The following CACNA2D2 variants were observed in gnomAD, a reference collection of about 807,000 sequenced individuals.
CACNA2D2 encodes the protein calcium voltage-gated channel auxiliary subunit alpha2delta 2, also known as voltage-dependent calcium channel subunit alpha-2/delta-2.
In CACNA2D2, 48 loss-of-function variants were observed where a neutral mutation model predicts 166.4. The ratio of observed to expected loss-of-function variants is 0.29; its 90% CI spans 0.23 to 0.37. The LOEUF (loss-of-function observed/expected upper bound fraction) is 0.37, where lower values mean the gene tolerates loss of function less well. CACNA2D2 is among the 10% of genes least tolerant of loss of function. The probability of loss-of-function intolerance (pLI) is 1.00; values close to 1 mark genes in which losing one functional copy is unlikely to be tolerated. For missense variants in CACNA2D2, 1,122 were observed against 1,433.0 expected, an observed-to-expected ratio of 0.78 and a Z score of 3.50; for synonymous variants, 561 against 573.7, an observed-to-expected ratio of 0.98 and a Z score of 0.32.
chr3:50,454,064 AAAT>A (rs1709232596), intron 2 of CACNA2D2, among the ~76,000 whole-genome samples: 1 of 152,200 alleles, frequency 6.6e-6, no homozygotes, highest in Non-Finnish European at 1.5e-5. Flanking sequence ...CATCAAGGGC[AAAT>A]AATAGCTTTT....
Position 50,379,338 on chromosome 3 carries a change from G to C in CACNA2D2, c.1152+94C>G. 1 of 1,511,704 alleles carries C rather than the reference G, an allele frequency of 6.6e-7. No individual in the cohort carries two copies. Among genetic ancestry groups the C allele is most frequent in the Non-Finnish European group, 9.1e-7 (1 of 1,102,132 alleles). 93.6% of individuals were successfully genotyped at this position (1,511,704 alleles called of 1,614,324 possible). On this transcript the variant is annotated intron_variant, in intron 11 of 37. Coordinates refer to ENST00000424201, the MANE Select transcript of CACNA2D2 (RefSeq NM_006030.4). This position sits in a 1 kb window ranked among gnomAD's most constrained non-coding sequence, Gnocchi z 6.5. ...GCTATCTGTCCAAGCTGCCTGTTTG[G>C]TGCTAACGAGGCCATCCGTCTTGAT...
intron 2 of CACNA2D2, among the ~76,000 whole-genome samples, chr3:50,448,771 G>A (rs1341072241): frequency 1.3e-5 from 2 of 151,982 alleles, no homozygotes; most frequent in South Asian, 4.1e-4. Context: ...CATTTCAGAG[G>A]GACTAGAGCC....
At chr3:50,397,780 A>G (rs1706232544) in intron 3 of CACNA2D2, among the ~76,000 whole-genome samples, 1 of 151,676 alleles carries the variant, frequency 6.6e-6, no homozygotes, top group Non-Finnish European at 1.5e-5. Context: ...AGACTGTGTT[A>G]CCTCCCCTGG....
At chr3:50,501,532 G>A (rs538258741) in intron 1 of CACNA2D2, among the ~76,000 whole-genome samples, 202 of 152,320 alleles carry the variant, frequency 1.3e-3, no homozygotes, top group African/African-American at 4.6e-3. Context: ...GGGACAGAGG[G>A]ATAGGTGCCT....
chr3:50,462,617 GGGGTGCAAAGC>G (rs1251903371), intron 2 of CACNA2D2, among the ~76,000 whole-genome samples: 1 of 151,852 alleles, frequency 6.6e-6, no homozygotes, highest in Admixed American at 6.6e-5. Context: ...GGCTGGGGGA[GGGGTGCAAAGC>G]CCTCCTCTCC....
chr3:50,417,906 T>TA (rs1344620446), intron 3 of CACNA2D2, among the ~76,000 whole-genome samples: 6 of 152,098 alleles, frequency 3.9e-5, no homozygotes, highest in Non-Finnish European at 8.8e-5. Context: ...ACTTAGTGTG[T>TA]ACGTGGGGAA....
intron 4 of CACNA2D2, among the ~76,000 whole-genome samples, chr3:50,389,980 A>G (rs1287599389): frequency 3.0e-5 from 4 of 133,970 alleles, no homozygotes; most frequent in East Asian, 4.8e-4. Context: ...TGTGGTGTGG[A>G]GCTGGGGGTG....
chr3:50,402,491 A>G (rs540669002), intron 3 of CACNA2D2, among the ~76,000 whole-genome samples: 64 of 152,324 alleles, frequency 4.2e-4, no homozygotes, highest in Non-Finnish European at 2.6e-4. Flanking sequence ...AGATGCCCCA[A>G]TGAGAAATAA....
chr3:50,443,707 C>T (rs540562018), intron 2 of CACNA2D2, among the ~76,000 whole-genome samples: 5 of 152,356 alleles, frequency 3.3e-5, no homozygotes, highest in South Asian at 2.1e-4. Flanking sequence ...AGAGTTGGGC[C>T]GCTGCCTTGC....
Position 50,379,485 on chromosome 3 carries a change from C to T in CACNA2D2, c.1099G>A (p.Gly367Ser). Reference protein sequence around the residue: ...KEAVQGMVAKGTTGYKAGFEY... With the variant: ...KEAVQGMVAKSTTGYKAGFEY... Reference sequence around the variant, plus strand: ...AAGCCGGCCTTGTAGCCTGTGGTGCCCTTGGCCACCATGCCCTGCACAGCT... The same window carrying T: ...AAGCCGGCCTTGTAGCCTGTGGTGCTCTTGGCCACCATGCCCTGCACAGCT... Residue 367 changes from glycine (G) to serine (S), a missense_variant, in exon 11 of 38, where the codon GGC becomes AGC. This residue lies in a region of CACNA2D2 where 840 missense variants were observed against 1,166.8 expected (regional missense o/e 0.72). Coordinates refer to ENST00000424201, the MANE Select transcript of CACNA2D2 (RefSeq NM_006030.4). This position sits in a 1 kb window ranked among gnomAD's most constrained non-coding sequence, Gnocchi z 6.5. 6.2e-7 allele frequency: 1 copy of T among 1,613,992 alleles called. No homozygotes were observed. The highest frequency in any genetic ancestry group is 8.5e-7 in the Non-Finnish European group (1 of 1,180,018).
In CACNA2D2 at chr3:50,365,150, G is replaced by T. The variant is rs758659352; in HGVS notation, c.3133C>A (p.Leu1045Ile). 1 of 1,612,216 alleles carries T rather than the reference G, an allele frequency of 6.2e-7. No homozygotes were observed. The highest frequency in any genetic ancestry group is 1.1e-5 in the South Asian group (1 of 91,082). Residue 1045 changes from leucine (L) to isoleucine (I), a missense_variant, in exon 36 of 38, where the codon CTT becomes ATT. Transcript: ENST00000424201. This position sits in a 1 kb window ranked among gnomAD's most constrained non-coding sequence, Gnocchi z 4.5. Reference protein sequence around the residue: ...FHAQRLTNTNLLFVVAEKPLC... With the variant: ...FHAQRLTNTNILFVVAEKPLC... ...GGCTTCTCGGCCACCACAAAGAGAAGATTGGTGTTGGTCAGTCTCTGCGCG... is the reference window on the plus strand; with the variant it reads ...GGCTTCTCGGCCACCACAAAGAGAATATTGGTGTTGGTCAGTCTCTGCGCG...
rs1481704773 is a variant in CACNA2D2, at chr3:50,364,430, G to A, written c.*236C>T. The A allele has an allele frequency of 3.6e-6, 2 of 550,534 alleles. No homozygotes were observed. The highest frequency in any genetic ancestry group is 1.9e-5 in the African/African-American group (1 of 51,640). 34.1% of individuals were successfully genotyped at this position (550,534 alleles called of 1,614,324 possible). On this transcript the variant is annotated 3_prime_UTR_variant, in exon 38 of 38. Coordinates refer to ENST00000424201, the MANE Select transcript of CACNA2D2 (RefSeq NM_006030.4). ...GGGGGGAGCCCAGCAGGCAAGAAGG[G>A]TCTGGGGACACTTGAACAGTTCGGA...
chr3:50,383,922 G>A (rs1252886064), intron 6 of CACNA2D2, among the ~76,000 whole-genome samples: 1 of 152,206 alleles, frequency 6.6e-6, no homozygotes, highest in Non-Finnish European at 1.5e-5. Flanking sequence ...ATTTGTGTGG[G>A]TGCCTGTGGA....
intron 3 of CACNA2D2, among the ~76,000 whole-genome samples, chr3:50,415,069 C>T (rs930390399): frequency 6.6e-6 from 1 of 152,214 alleles, no homozygotes; most frequent in Non-Finnish European, 1.5e-5. Context: ...GGGGCCAACA[C>T]TCTCCATCTC....
chr3:50,452,598 A>T (rs1481573473), intron 2 of CACNA2D2, among the ~76,000 whole-genome samples: 1 of 152,216 alleles, frequency 6.6e-6, no homozygotes, highest in Non-Finnish European at 1.5e-5. Flanking sequence ...ATGGAATGGG[A>T]TGGCTGTGGC....
intron 3 of CACNA2D2, among the ~76,000 whole-genome samples, chr3:50,431,579 G>A (rs140420726): frequency 1.3e-5 from 2 of 152,338 alleles, no homozygotes; most frequent in East Asian, 3.9e-4. Flanking sequence ...GTGAAGCCAA[G>A]GTAGCCAGGG....
intron 3 of CACNA2D2, among the ~76,000 whole-genome samples, chr3:50,407,056 T>C (rs1299681253): frequency 6.6e-6 from 1 of 151,818 alleles, no homozygotes; most frequent in African/African-American, 2.4e-5. Flanking sequence ...AGGTGCTTGA[T>C]CTAGGTATCT....
At chr3:50,483,380 G>T (rs145952405) in intron 1 of CACNA2D2, among the ~76,000 whole-genome samples, 1 of 152,168 alleles carries the variant, frequency 6.6e-6, no homozygotes. Context: ...CATCTCTCTC[G>T]ACCATGTGTG....
chr3:50,486,150 G>A (rs572135489), intron 1 of CACNA2D2, among the ~76,000 whole-genome samples: 128 of 152,302 alleles, frequency 8.4e-4, no homozygotes, highest in Non-Finnish European at 1.2e-3. Flanking sequence ...GTCCCTGTGT[G>A]CCCAGCCAGT....
Sources: allele counts gnomAD v4.1 joint callset (sites outside exome capture counted in the v4.1 genomes callset), GRCh38; gene constraint gnomAD v4.1.1; regional missense constraint gnomAD v4.1.1; non-coding constraint Gnocchi (gnomAD v3.1); transcripts MANE v1.5; gene names NCBI Gene and HGNC (gene_info 2026-07-23, HGNC 2026-07-21).